The following FAS variants were observed in gnomAD, a reference collection of about 807,000 sequenced individuals.
FAS encodes tumor necrosis factor receptor superfamily member 6.
Under a neutral mutation model 33.2 loss-of-function variants are expected in FAS, and 5 were observed. The observed-to-expected ratio is 0.15, with a 90% CI of 0.08 to 0.32. The LOEUF is 0.32. Ranked by LOEUF, FAS falls within the 10% of genes least tolerant of loss-of-function variation. The pLI is 1.00. For missense variants in FAS, 339 were observed against 386.0 expected, an observed-to-expected ratio of 0.88 and a Z score of 1.02; for synonymous variants, 131 against 130.7, an observed-to-expected ratio of 1.00 and a Z score of -0.01.
At chr10:89,002,999 T>A (rs1848015302) in intron 1 of FAS, 30 bp from the exon 2 acceptor site, 1 of 1,613,478 alleles carries the variant, frequency 6.2e-7, no homozygotes, top group African/African-American at 1.3e-5. Flanking sequence ...CAGAAATCAA[T>A]AAAATTCTCT....
In FAS at chr10:88,997,799, G is replaced by A. The variant is rs9658704; in HGVS notation, c.31-5230G>A. ...TACAAGCAGACAAGCAGAATTAGTCGGTGGAACTTCATTTCTTGCTCCATT... is the reference window on the plus strand; with the variant it reads ...TACAAGCAGACAAGCAGAATTAGTCAGTGGAACTTCATTTCTTGCTCCATT... On this transcript the variant is annotated intron_variant, in intron 1 of 8. Coordinates refer to ENST00000652046, the MANE Select transcript of FAS (RefSeq NM_000043.6). Among the ~76,000 whole-genome samples, 631 of 152,202 alleles carry A rather than the reference G, an allele frequency of 4.1e-3. 2 individuals are homozygous for A. The highest frequency in any genetic ancestry group is 0.014 in the African/African-American group (598 of 41,516).
intron 4 of FAS, among the ~76,000 whole-genome samples, chr10:89,009,483 A>G (rs558485421): frequency 1.3e-5 from 2 of 152,356 alleles, no homozygotes; most frequent in South Asian, 4.1e-4. Flanking sequence ...AGCAGCTGCA[A>G]AGAGACAAAG....
chr10:89,007,399 AG>A (rs1848287352), intron 2 of FAS, among the ~76,000 whole-genome samples: 1 of 152,176 alleles, frequency 6.6e-6, no homozygotes. Flanking sequence ...TTCTTGGCAA[AG>A]GCATTTCATG....
At chr10:89,009,629 G>A (rs1312709231) in intron 4 of FAS, among the ~76,000 whole-genome samples, 1 of 152,172 alleles carries the variant, frequency 6.6e-6, no homozygotes, top group Non-Finnish European at 1.5e-5. Flanking sequence ...TGCCTTGTAA[G>A]TCATCTTGGG....
At chr10:89,009,058 T>C in intron 4 of FAS, 61 bp downstream of exon 4, 1 of 1,418,242 alleles carries the variant, frequency 7.1e-7, no homozygotes, top group South Asian at 1.1e-5. Context: ...ATCATTTTCC[T>C]AGGGAAGTAA....
In FAS at chr10:89,013,335, C is replaced by G. The variant is rs751955296; in HGVS notation, c.652-8C>G. On this transcript the variant is annotated splice_region_variant and splice_polypyrimidine_tract_variant and intron_variant, in intron 7 of 8. Coordinates refer to ENST00000652046, the MANE Select transcript of FAS (RefSeq NM_000043.6). Reference sequence around the variant, plus strand: ...TGTCTTTCTCTGCTTCCATTTTTTGCTTTCTAGGAAACAGTGGCAATAAAT... The same window carrying G: ...TGTCTTTCTCTGCTTCCATTTTTTGGTTTCTAGGAAACAGTGGCAATAAAT... 1.2e-6 allele frequency: 2 copies of G among 1,608,692 alleles called. No homozygotes were observed. The highest frequency in any genetic ancestry group is 8.5e-7 in the Non-Finnish European group (1 of 1,177,354).
intron 1 of FAS, among the ~76,000 whole-genome samples, chr10:88,971,235 T>A (rs143538822): frequency 6.6e-6 from 1 of 152,366 alleles, no homozygotes; most frequent in East Asian, 1.9e-4. Flanking sequence ...TAAATGAGTA[T>A]CTCATCTCTA....
intron 2 of FAS, among the ~76,000 whole-genome samples, chr10:88,980,031 C>T (rs964377595): frequency 6.6e-6 from 1 of 152,216 alleles, no homozygotes; most frequent in Non-Finnish European, 1.5e-5. Flanking sequence ...AGAAGATGGC[C>T]AGCTGAGCCG....
At chr10:88,977,692 C>T (rs1430732285) in intron 2 of FAS, among the ~76,000 whole-genome samples, 1 of 150,728 alleles carries the variant, frequency 6.6e-6, no homozygotes, top group East Asian at 1.9e-4. Context: ...ATGAAAACCA[C>T]AATGAGATAC....
At chr10:88,980,617 G>C (rs988205287) in intron 2 of FAS, among the ~76,000 whole-genome samples, 2 of 152,184 alleles carry the variant, frequency 1.3e-5, no homozygotes, top group Non-Finnish European at 2.9e-5. Flanking sequence ...GTAGGTACTC[G>C]TAAGTATTCG....
intron 7 of FAS, 61 bp downstream of exon 7, chr10:89,012,142 G>T: frequency 2.9e-5 from 41 of 1,429,794 alleles, no homozygotes; most frequent in Non-Finnish European, 4.0e-5. Context: ...TTAGTGATTT[G>T]GCTTTTTGTT....
chr10:89,016,269 CTG>C lies in FAS; in HGVS notation c.*1823_*1824del, dbSNP rs1354969577. 1.4e-5 allele frequency: 3 copies of C among 217,024 alleles called. No homozygotes were observed. The highest frequency in any genetic ancestry group is 2.8e-5 in the Non-Finnish European group (3 of 107,948). 13.4% of individuals were successfully genotyped at this position (217,024 alleles called of 1,614,324 possible). Reference sequence around the variant, plus strand: ...GTTGTGCTTTGCTTAGGGTTCCCTCCTGTGTTATGGTCTGGAAAGTGTCTTTA... The same window carrying C: ...GTTGTGCTTTGCTTAGGGTTCCCTCCTGTTATGGTCTGGAAAGTGTCTTTA... On this transcript the variant is annotated 3_prime_UTR_variant, in exon 9 of 9. Transcript: ENST00000652046.
At chr10:88,968,058 G>T (rs775342978) in intron 1 of FAS, among the ~76,000 whole-genome samples, 1 of 151,836 alleles carries the variant, frequency 6.6e-6, no homozygotes, top group Non-Finnish European at 1.5e-5. Context: ...GTGACCTTAA[G>T]GTGTGTTGTC....
At chr10:88,965,036 T>G (rs1018544312) in intron 1 of FAS, among the ~76,000 whole-genome samples, 3 of 152,158 alleles carry the variant, frequency 2.0e-5, no homozygotes, top group Non-Finnish European at 4.4e-5. Context: ...ATAGCTTCCC[T>G]TTTCTTCTTC....
In FAS at chr10:89,014,164, C is replaced by A. The variant is rs201072885; in HGVS notation, c.722C>A (p.Thr241Lys). The A allele has an allele frequency of 1.7e-5, 27 of 1,613,690 alleles. No homozygotes were observed. The highest frequency in any genetic ancestry group is 8.5e-6 in the Non-Finnish European group (10 of 1,179,910). Reference sequence around the variant, plus strand: ...ATCACCACTATTGCTGGAGTCATGACACTAAGTCAAGTTAAAGGCTTTGTT... The same window carrying A: ...ATCACCACTATTGCTGGAGTCATGAAACTAAGTCAAGTTAAAGGCTTTGTT... ...KYITTIAGVMTLSQVKGFVRK... is the reference protein window; with the variant it reads ...KYITTIAGVMKLSQVKGFVRK... The change falls in exon 9 of 9, where the codon ACA (threonine) becomes AAA (lysine). Residue 241 changes from threonine to lysine, a missense_variant. Physicochemically the swap from Thr to Lys is moderately conservative, Grantham distance 78. Coordinates refer to ENST00000652046, the MANE Select transcript of FAS (RefSeq NM_000043.6).
At chr10:88,971,748 C>T (rs1171859349) in intron 1 of FAS, among the ~76,000 whole-genome samples, 1 of 152,108 alleles carries the variant, frequency 6.6e-6, no homozygotes, top group Non-Finnish European at 1.5e-5. Flanking sequence ...TGCAATATCC[C>T]TCTTTTTGTC....
chr10:88,998,940 G>A (rs1847762384), intron 1 of FAS, among the ~76,000 whole-genome samples: 1 of 152,042 alleles, frequency 6.6e-6, no homozygotes. Flanking sequence ...CGGATCACGG[G>A]GTCGAGAGAT....
At chr10:88,971,085 G>A (rs776966525) in intron 1 of FAS, among the ~76,000 whole-genome samples, 22 of 152,132 alleles carry the variant, frequency 1.4e-4, no homozygotes, top group African/African-American at 2.9e-4. Context: ...ACATTTTCCC[G>A]AATAATGGCG....
intron 2 of FAS, among the ~76,000 whole-genome samples, chr10:89,006,497 G>A (rs1261679385): frequency 6.6e-6 from 1 of 152,152 alleles, no homozygotes; most frequent in Non-Finnish European, 1.5e-5. Context: ...TGCTGTATAG[G>A]TGAGCAGAGC....
Sources: gnomAD v4.1 joint callset for allele counts (sites outside exome capture counted in the v4.1 genomes callset) on GRCh38, gnomAD v4.1.1 for gene constraint, MANE v1.5 for transcripts, NCBI Gene and HGNC (gene_info 2026-07-23, HGNC 2026-07-21) for gene names.